Variants in EPS15 observed in about 807,000 individuals in gnomAD.
EPS15 encodes epidermal growth factor receptor substrate 15.
Under a neutral mutation model 113.8 loss-of-function variants are expected in EPS15, and 72 were observed. That is an observed-to-expected ratio of 0.63 (90% CI 0.52 to 0.77). The LOEUF (loss-of-function observed/expected upper bound fraction) is 0.77. Among genes scored for constraint, EPS15 ranks in the 30% least tolerant of loss-of-function variants. The pLI is 0.00. For synonymous variants in EPS15, 344 were observed against 363.4 expected, an observed-to-expected ratio of 0.95 and a Z score of 0.61; for missense variants, 1,048 against 1,045.8, an observed-to-expected ratio of 1.00 and a Z score of -0.03.
At chr1:51,371,394 G>A (rs1646646900) in intron 21 of EPS15, among the ~76,000 whole-genome samples, 1 of 152,110 alleles carries the variant, frequency 6.6e-6, no homozygotes, top group African/African-American at 2.4e-5. Flanking sequence ...GGAGGTGGAA[G>A]ACAGTGATAT....
intron 2 of EPS15, among the ~76,000 whole-genome samples, chr1:51,474,319 G>C (rs2148514437): frequency 6.6e-6 from 1 of 152,262 alleles, no homozygotes; most frequent in Non-Finnish European, 1.5e-5. Flanking sequence ...GTATCTATAA[G>C]ACATACATAG....
chr1:51,409,711 A>G lies in EPS15; in HGVS notation c.1114-15T>C. The G allele has an allele frequency of 1.3e-6, 2 of 1,565,372 alleles. No homozygotes were observed. The highest frequency in any genetic ancestry group is 1.7e-6 in the Non-Finnish European group (2 of 1,145,598). On this transcript the variant is annotated splice_polypyrimidine_tract_variant and intron_variant, in intron 13 of 24. Transcript: ENST00000371733. ...TCTTGAAGATCCTAAAATCCAAGAA[A>G]ATTAATATATTTATTTTCTTTGCGG...
chr1:51,461,521 TAAAAAAA>T (rs34184025), intron 7 of EPS15, among the ~76,000 whole-genome samples: 2 of 85,078 alleles, frequency 2.4e-5, no homozygotes, highest in East Asian at 3.0e-4. Context: ...CACTGTTTCT[TAAAAAAA>T]AAAAAAAAAA....
intron 6 of EPS15, 113 bp downstream of exon 6, chr1:51,465,148 T>C (rs1654752931): frequency 1.7e-6 from 1 of 599,126 alleles, no homozygotes; most frequent in Admixed American, 3.3e-5. Flanking sequence ...CTCCCCTACC[T>C]TTCCCTAAAC....
In EPS15 at chr1:51,489,592, A is replaced by T. The variant is rs146779983; in HGVS notation, c.34-8278T>A. Among the ~76,000 whole-genome samples the T allele has an allele frequency of 1.0e-3, 157 of 152,224 alleles. 1 individual carries two copies. The highest frequency in any genetic ancestry group is 6.0e-3 in the East Asian group (31 of 5,176). ...CATCTTAAGGTGTTTAGGTGGTATTATAATTCCCAGTCGTCTGTTTCCCTC... is the reference window on the plus strand; with the variant it reads ...CATCTTAAGGTGTTTAGGTGGTATTTTAATTCCCAGTCGTCTGTTTCCCTC... On this transcript the variant is annotated intron_variant, in intron 1 of 24. Transcript: ENST00000371733.
chr1:51,472,224 T>G (rs915423963), intron 3 of EPS15, among the ~76,000 whole-genome samples: 1 of 152,112 alleles, frequency 6.6e-6, no homozygotes, highest in African/African-American at 2.4e-5. Flanking sequence ...AAGCCTAAGT[T>G]CTAACTTCCA....
chr1:51,514,099 G>T (rs1169768037), intron 1 of EPS15, among the ~76,000 whole-genome samples: 1 of 152,012 alleles, frequency 6.6e-6, no homozygotes, highest in Admixed American at 6.6e-5. Flanking sequence ...AACTGGGTTA[G>T]ATCATTTGTC....
chr1:51,422,676 C>A (rs933183726), intron 12 of EPS15, among the ~76,000 whole-genome samples: 1 of 152,246 alleles, frequency 6.6e-6, no homozygotes, highest in Non-Finnish European at 1.5e-5. Flanking sequence ...TTTGATGTAA[C>A]AATTTAACTG....
rs1289720915 is a variant in EPS15, at chr1:51,492,267, G to C, written c.34-10953C>G. Among the ~76,000 whole-genome samples, 3 of 152,114 alleles carry C rather than the reference G, an allele frequency of 2.0e-5. No individual in the cohort carries two copies. The East Asian group carries it at 5.8e-4, about 29-fold the overall frequency. On this transcript the variant is annotated intron_variant, in intron 1 of 24. Transcript: ENST00000371733. Reference sequence around the variant, plus strand: ...CCTGCCTTCAAGGGCTTAAATTCTAGTAAAAATTGTAATGCTACCTTCTGC... The same window carrying C: ...CCTGCCTTCAAGGGCTTAAATTCTACTAAAAATTGTAATGCTACCTTCTGC...
Position 51,402,519 on chromosome 1 carries a change from G to A in EPS15, c.1798C>T (p.Pro600Ser). 6.7e-7 allele frequency: 1 copy of A among 1,491,082 alleles called. No individual in the cohort carries two copies. The highest frequency in any genetic ancestry group is 2.3e-5 in the East Asian group (1 of 43,466). The allele number at this position is 1,491,082 out of a possible 1,614,324, so 92.4% of individuals were successfully genotyped here. Reference sequence around the variant, plus strand: ...AGCGAACTTGAGTCTACATTAAATGGATCTTCCTAAAAATAATTTTAAATT... The same window carrying A: ...AGCGAACTTGAGTCTACATTAAATGAATCTTCCTAAAAATAATTTTAAATT... The part of the protein sequence containing the change: ...DNNRHSKEED[P>S]FNVDSSSLTG... Residue 600 changes from proline to serine, a missense_variant, in exon 18 of 25, where the codon CCA becomes TCA. By Grantham distance (74) the Pro-to-Ser change is moderately conservative. Coordinates refer to ENST00000371733, the MANE Select transcript of EPS15 (RefSeq NM_001981.3).
At chr1:51,418,437 G>C (rs1007195160) in intron 13 of EPS15, among the ~76,000 whole-genome samples, 3 of 152,026 alleles carry the variant, frequency 2.0e-5, no homozygotes, top group African/African-American at 7.2e-5. Flanking sequence ...GCCCTGGGGA[G>C]AAAATGCACA....
chr1:51,405,563 T>C (rs1340714742), intron 16 of EPS15, among the ~76,000 whole-genome samples: 3 of 152,034 alleles, frequency 2.0e-5, no homozygotes, highest in East Asian at 3.9e-4. Flanking sequence ...CTGAGTGTGG[T>C]GGCACGTGAC....
At chr1:51,437,693 G>A (rs1345348678) in intron 12 of EPS15, among the ~76,000 whole-genome samples, 1 of 151,876 alleles carries the variant, frequency 6.6e-6, no homozygotes, top group Non-Finnish European at 1.5e-5. Flanking sequence ...ATGTTGGGCA[G>A]GCTGGTCTCA....
rs1196947651 is a variant in EPS15, at chr1:51,472,865, A to C, written c.159T>G (p.Leu53=). 3 of 1,610,488 alleles carry C rather than the reference A, an allele frequency of 1.9e-6. No individual in the cohort carries two copies. Among genetic ancestry groups the C allele is most frequent in the Non-Finnish European group, 2.5e-6 (3 of 1,176,724 alleles). ...TATAATGAACGAATACTACCTTTCC[A>C]AGTATCAAGTCTGGAAGCCCTGATT... The part of the protein sequence containing the change: ...LKKSGLPDLI[L]GKIWDLADTD... The change falls in exon 3 of 25, where the codon CTT becomes CTG. Residue 53 remains leucine (L), a synonymous_variant. Transcript: ENST00000371733.
At chr1:51,362,951 C>T (rs1646420927) in intron 23 of EPS15, among the ~76,000 whole-genome samples, 1 of 152,108 alleles carries the variant, frequency 6.6e-6, no homozygotes, top group African/African-American at 2.4e-5. Flanking sequence ...TACATACACA[C>T]ACATACTAAT....
At chr1:51,495,459 G>A (rs1460452126) in intron 1 of EPS15, among the ~76,000 whole-genome samples, 1 of 151,202 alleles carries the variant, frequency 6.6e-6, no homozygotes, top group African/African-American at 2.4e-5. Context: ...AATAACCAAA[G>A]AATATAAATC....
intron 1 of EPS15, among the ~76,000 whole-genome samples, chr1:51,489,283 T>C (rs191800604): frequency 1.1e-3 from 156 of 141,034 alleles, no homozygotes; most frequent in African/African-American, 4.1e-3. Flanking sequence ...TAGCCTAGTA[T>C]ACCATATATA....
chr1:51,472,928 T>C lies in EPS15; in HGVS notation c.96A>G (p.Gly32=), dbSNP rs150351282. 4 of 1,613,426 alleles carry C rather than the reference T, an allele frequency of 2.5e-6. No individual in the cohort carries two copies. The African/African-American group carries it at 5.3e-5, about 22-fold the overall frequency. The change falls in exon 3 of 25, where the codon GGA becomes GGG. Residue 32 remains glycine, a synonymous_variant. Coordinates refer to ENST00000371733, the MANE Select transcript of EPS15 (RefSeq NM_001981.3). ...CAGCAGCATCAGAAGCCAACACCCT[T>C]CCAGTATTGCCTGTATCAACCTGAA... The part of the protein sequence containing the change: ...YYRQVDTGNT[G]RVLASDAAAF...
intron 12 of EPS15, among the ~76,000 whole-genome samples, chr1:51,430,037 G>T (rs1651577953): frequency 6.6e-6 from 1 of 152,100 alleles, no homozygotes; most frequent in African/African-American, 2.4e-5. Flanking sequence ...GCATTATTTA[G>T]CAACACAGCT....
Sources: allele counts gnomAD v4.1 joint callset (sites outside exome capture counted in the v4.1 genomes callset), GRCh38; gene constraint gnomAD v4.1.1; transcripts MANE v1.5; gene names NCBI Gene and HGNC (gene_info 2026-07-23, HGNC 2026-07-21).